SIK3: variants seen among roughly 807,000 people sequenced by gnomAD.
The protein encoded by SIK3 is SIK family kinase 3.
Under a neutral mutation model 144.2 loss-of-function variants are expected in SIK3, and 28 were observed. The ratio of observed to expected loss-of-function variants is 0.19; its 90% CI spans 0.14 to 0.27. The LOEUF (loss-of-function observed/expected upper bound fraction) is 0.27. Among genes scored for constraint, SIK3 ranks in the 10% least tolerant of loss-of-function variants. The probability of loss-of-function intolerance (pLI) is 1.00; values close to 1 mark genes in which losing one functional copy is unlikely to be tolerated. For missense variants in SIK3, 1,319 were observed against 1,776.0 expected (o/e 0.74, Z 4.62); for synonymous variants, 686 against 676.3 (o/e 1.01, Z -0.22).
rs1477504310 is a variant in SIK3 at position 116,876,973 on chromosome 11, C to T, written c.935G>A (p.Cys312Tyr). ...PNKRLSMEQI[C>Y]KHKWMKLGDA... ...CCCTAGCTTCATCCACTTGTGCTTG[C>T]AGATCTGCTCCATGGAGAGGCGCTT... Residue 312 changes from cysteine to tyrosine, a missense_variant, in exon 7 of 25, where the codon TGC (cysteine) becomes TAC (tyrosine). By Grantham distance (194) the Cys-to-Tyr change is radical (BLOSUM62 -2). This residue lies in a region of SIK3 where 34 missense variants were observed against 56.1 expected (regional missense o/e 0.61). Transcript: ENST00000445177. 1 of 1,614,032 alleles carries T rather than the reference C, an allele frequency of 6.2e-7. No individual in the cohort carries two copies. Among genetic ancestry groups the T allele is most frequent in the African/African-American group, 1.3e-5 (1 of 74,924 alleles).
intron 4 of SIK3, among the ~76,000 whole-genome samples, chr11:116,912,547 G>C (rs1407980162): frequency 1.3e-5 from 2 of 152,146 alleles, no homozygotes; most frequent in Admixed American, 1.3e-4. Flanking sequence ...TGTCTCTAAG[G>C]CAATACAGTA....
chr11:116,974,452 G>A (rs987905608), intron 1 of SIK3, among the ~76,000 whole-genome samples: 1 of 152,180 alleles, frequency 6.6e-6, no homozygotes, highest in Non-Finnish European at 1.5e-5. Flanking sequence ...CACCCAGGCT[G>A]GAGTACAGTG....
At chr11:117,088,926 C>T (rs533414415) in intron 1 of SIK3, among the ~76,000 whole-genome samples, 1 of 152,244 alleles carries the variant, frequency 6.6e-6, no homozygotes, top group Admixed American at 6.5e-5. Context: ...AAGTGATCCT[C>T]CTGCCTCAGC....
chr11:116,964,152 G>C (rs2135430806), intron 1 of SIK3, among the ~76,000 whole-genome samples: 1 of 152,100 alleles, frequency 6.6e-6, no homozygotes, highest in East Asian at 1.9e-4. Flanking sequence ...GGGACTACAG[G>C]GACACACCAC....
At chr11:117,017,955 G>T (rs190875162) in intron 1 of SIK3, among the ~76,000 whole-genome samples, 1 of 152,212 alleles carries the variant, frequency 6.6e-6, no homozygotes, top group East Asian at 1.9e-4. Context: ...AGCATGAGAG[G>T]AAATACCATA....
intron 1 of SIK3, among the ~76,000 whole-genome samples, chr11:117,035,436 T>A (rs1952452736): frequency 6.6e-6 from 1 of 152,240 alleles, no homozygotes; most frequent in Admixed American, 6.5e-5. Context: ...CATTAATGAT[T>A]CTATTTGCAA....
intron 4 of SIK3, among the ~76,000 whole-genome samples, chr11:116,919,883 T>C (rs1946866323): frequency 6.6e-6 from 1 of 152,194 alleles, no homozygotes; most frequent in Non-Finnish European, 1.5e-5. Flanking sequence ...CTTTCTCTCT[T>C]GAATTTGTTG....
At chr11:116,861,238 T>C in intron 19 of SIK3, 36 bp downstream of exon 19, 1 of 1,433,630 alleles carries the variant, frequency 7.0e-7, no homozygotes, top group Non-Finnish European at 9.7e-7. Flanking sequence ...CCATGTGGCA[T>C]AAAATGAACT....
chr11:116,941,092 C>T (rs1948273612), intron 3 of SIK3, among the ~76,000 whole-genome samples: 1 of 151,992 alleles, frequency 6.6e-6, no homozygotes, highest in African/African-American at 2.4e-5. Flanking sequence ...CTGCAAGCTC[C>T]GCCTCCTGGG....
chr11:117,014,185 G>A (rs1198360860), intron 1 of SIK3, among the ~76,000 whole-genome samples: 1 of 151,130 alleles, frequency 6.6e-6, no homozygotes, highest in African/African-American at 2.4e-5. Flanking sequence ...GATGCCAAGG[G>A]CCTTACTTAC....
chr11:117,075,597 A>G lies in SIK3; in HGVS notation c.273+22546T>C, dbSNP rs1954478687. On this transcript the variant is annotated intron_variant, in intron 1 of 24. Transcript: ENST00000445177. ...AGCTCTGCTGCCCAGGCTGGAGTGC[A>G]GTGGCACGATCTCGGCTCACTGCAA... is the stretch of plus-strand genomic sequence containing the variant. Among the ~76,000 whole-genome samples, 3 of 145,398 alleles carry G rather than the reference A, an allele frequency of 2.1e-5. No individual in the cohort carries two copies. In the South Asian group the frequency reaches 6.4e-4, roughly 31 times the overall value.
chr11:116,881,141 AAAAT>A (rs1327302006), intron 6 of SIK3, among the ~76,000 whole-genome samples: 1 of 151,924 alleles, frequency 6.6e-6, no homozygotes, highest in South Asian at 2.1e-4. Flanking sequence ...ATAAATAAAT[AAAAT>A]AAATAAATAA....
intron 1 of SIK3, among the ~76,000 whole-genome samples, chr11:117,047,436 G>A (rs918887668): frequency 7.2e-5 from 11 of 152,138 alleles, no homozygotes; most frequent in African/African-American, 1.9e-4. Flanking sequence ...GCTAAAGGGA[G>A]GGTAGGGAAG....
chr11:117,086,425 C>T (rs1955007519), intron 1 of SIK3, among the ~76,000 whole-genome samples: 1 of 152,230 alleles, frequency 6.6e-6, no homozygotes, highest in Non-Finnish European at 1.5e-5. Flanking sequence ...GGTGCAGTGG[C>T]TCACGCCTAT....
rs1420631127 is a variant in SIK3, at chr11:116,846,647, G to A, written c.3953-94C>T. ...GAGGAGGAATTGAAGGCAACCTGTC[G>A]AGCATCCCACAGCCTGACTCCCAGC... On this transcript the variant is annotated intron_variant, in intron 23 of 24. Transcript: ENST00000445177. This position sits in a 1 kb window ranked among gnomAD's most constrained non-coding sequence, Gnocchi z 4.1. 6 of 1,429,340 alleles carry A rather than the reference G, an allele frequency of 4.2e-6. No individual in the cohort carries two copies. Among genetic ancestry groups the A allele is most frequent in the South Asian group, 2.5e-5 (2 of 78,790 alleles). 88.5% of individuals were successfully genotyped at this position (1,429,340 alleles called of 1,614,324 possible).
chr11:117,045,431 G>A (rs577141390), intron 1 of SIK3, among the ~76,000 whole-genome samples: 38 of 152,210 alleles, frequency 2.5e-4, no homozygotes, highest in Non-Finnish European at 4.6e-4. Context: ...AAGAAGCCCC[G>A]CCCATAAGAG....
chr11:116,847,040 A>C (rs1188362409), intron 23 of SIK3, among the ~76,000 whole-genome samples: 1 of 152,180 alleles, frequency 6.6e-6, no homozygotes, highest in African/African-American at 2.4e-5. Flanking sequence ...CTCGGGGTCC[A>C]GAAAGCCAAG....
chr11:116,889,724 C>A (rs545836477), intron 6 of SIK3, among the ~76,000 whole-genome samples: 3 of 152,148 alleles, frequency 2.0e-5, no homozygotes, highest in Admixed American at 2.0e-4. Flanking sequence ...AATAAGATCC[C>A]ATCTCTACAA....
chr11:117,055,714 G>C (rs1430685334), intron 1 of SIK3, among the ~76,000 whole-genome samples: 2 of 152,272 alleles, frequency 1.3e-5, no homozygotes, highest in African/African-American at 4.8e-5. Flanking sequence ...CTAAAAGTCA[G>C]ATGTTGCCAA....
Sources: allele counts gnomAD v4.1 joint callset (sites outside exome capture counted in the v4.1 genomes callset), GRCh38; gene constraint gnomAD v4.1.1; regional missense constraint gnomAD v4.1.1; non-coding constraint Gnocchi (gnomAD v3.1); transcripts MANE v1.5; gene names NCBI Gene and HGNC (gene_info 2026-07-23, HGNC 2026-07-21).